CFAP251: variants seen among roughly 807,000 people sequenced by gnomAD.
CFAP251 encodes cilia- and flagella-associated protein 251.
CFAP251 carries 93 observed loss-of-function variants against 126.7 expected under a neutral mutation model. The ratio of observed to expected loss-of-function variants is 0.73; its 90% CI spans 0.62 to 0.87. CFAP251 has a LOEUF of 0.87. Among genes scored for constraint, CFAP251 ranks in the 40% least tolerant of loss-of-function variants. The pLI, the probability that CFAP251 is intolerant of heterozygous loss-of-function variation, is 0.00. For missense variants in CFAP251, 1,287 were observed against 1,389.2 expected (o/e 0.93, Z 1.17); for synonymous variants, 503 against 506.9 (o/e 0.99, Z 0.10).
Position 121,977,308 on chromosome 12 carries a change from A to G in CFAP251, c.3006+1623A>G, listed in dbSNP as rs186725540. On this transcript the variant is annotated intron_variant, in intron 19 of 21. Coordinates refer to ENST00000288912, the MANE Select transcript of CFAP251 (RefSeq NM_144668.6). Reference sequence around the variant, plus strand: ...GTATGGAACCACCATCATATATGCAATCTGTCATTGCAATATTATTAAGTG... The same window carrying G: ...GTATGGAACCACCATCATATATGCAGTCTGTCATTGCAATATTATTAAGTG... Among the ~76,000 whole-genome samples the G allele has an allele frequency of 3.4e-3, 518 of 152,350 alleles. 3 individuals are homozygous for G. The highest frequency in any genetic ancestry group is 0.012 in the African/African-American group (493 of 41,580).
At chr12:121,928,626 G>GTATATATA (rs57842636) in intron 3 of CFAP251, among the ~76,000 whole-genome samples, 3 of 43,182 alleles carry the variant, frequency 6.9e-5, no homozygotes, top group African/African-American at 2.0e-4. Flanking sequence ...ATGTATATGT[G>GTATATATA]TATATATATA....
At chr12:122,001,805 T>C (rs1318148520) in intron 21 of CFAP251, 8 of 580,646 alleles carry the variant, frequency 1.4e-5, no homozygotes, top group Non-Finnish European at 2.5e-5. Context: ...CGTCCTTTTG[T>C]TTCTTCTGGG....
chr12:121,948,027 C>T (rs1881382389), intron 7 of CFAP251: 1 of 152,224 alleles, frequency 6.6e-6, no homozygotes, highest in African/African-American at 2.4e-5. Context: ...TCTCCTGCAG[C>T]CCTTCTCCCC....
intron 8 of CFAP251, chr12:121,950,767 A>C (rs1592979600): frequency 6.6e-6 from 1 of 150,828 alleles, no homozygotes; most frequent in Non-Finnish European, 1.5e-5. Flanking sequence ...CATGTTGGCC[A>C]GGCTTGTCTC....
At position 121,975,175 on chromosome 12, in the gene CFAP251, C is replaced by T. The variant is rs545750181; in HGVS notation, c.2772-69C>T. 142 of 1,329,606 alleles carry T rather than the reference C, an allele frequency of 1.1e-4. No homozygotes were observed. In the South Asian group the frequency reaches 1.5e-3, roughly 14 times the overall value. The allele number at this position is 1,329,606 out of a possible 1,614,324, so 82.4% of individuals were successfully genotyped here. A position where few individuals can be genotyped will look rare whatever the true frequency, so the allele number is the denominator to read the frequency against. On this transcript the variant is annotated intron_variant, in intron 17 of 21. Transcript: ENST00000288912. The stretch of plus-strand genomic sequence containing the variant: ...CCCTTCAGAGGGCCGCAGTGCTGTG[C>T]GGACCACCTTCTGAGCCATGCTCAT...
intron 9 of CFAP251, among the ~76,000 whole-genome samples, chr12:121,951,742 G>T (rs551503871): frequency 7.3e-5 from 11 of 151,712 alleles, no homozygotes; most frequent in Middle Eastern, 3.4e-3. Context: ...TTTTTGAGAC[G>T]GAGTCTTGCT....
chr12:121,981,218 A>G (rs896854405), intron 19 of CFAP251, among the ~76,000 whole-genome samples: 1 of 152,178 alleles, frequency 6.6e-6, no homozygotes, highest in African/African-American at 2.4e-5. Context: ...CTGTAGTCCT[A>G]GCACTTTGGG....
chr12:121,962,081 C>A lies in CFAP251; in HGVS notation c.2411C>A (p.Pro804Gln), dbSNP rs151151759. 1.2e-4 allele frequency: 188 copies of A among 1,614,030 alleles called. 1 individual carries two copies. The East Asian group carries it at 4.2e-3, about 36-fold the overall frequency. ...CYPTCMVWYP[P>Q]LTRELFLLIC... The stretch of plus-strand genomic sequence containing the variant: ...CCCACCTGCATGGTCTGGTACCCAC[C>A]ACTCACCAGGGAACTCTTCCTGCTT... Residue 804 changes from proline (P) to glutamine (Q), a missense_variant, in exon 15 of 22, where the codon CCA becomes CAA. Physicochemically the swap from Pro to Gln is moderately conservative, Grantham distance 76. Coordinates refer to ENST00000288912, the MANE Select transcript of CFAP251 (RefSeq NM_144668.6).
intron 7 of CFAP251, 56 bp downstream of exon 7, chr12:121,943,031 A>C: frequency 6.3e-7 from 1 of 1,587,814 alleles, no homozygotes; most frequent in Non-Finnish European, 8.6e-7. Flanking sequence ...GTGCAAGGCC[A>C]GGCTGGGCGT....
At chr12:121,978,239 A>G (rs987549358) in intron 19 of CFAP251, among the ~76,000 whole-genome samples, 15 of 150,596 alleles carry the variant, frequency 1.0e-4, no homozygotes, top group Admixed American at 9.9e-4. Flanking sequence ...AAAAAAATAC[A>G]AAAAATAAGC....
chr12:121,988,748 T>TC (rs1882808892), intron 19 of CFAP251, among the ~76,000 whole-genome samples: 1 of 127,912 alleles, frequency 7.8e-6, no homozygotes, highest in African/African-American at 3.0e-5. Flanking sequence ...TTTTTTTCTC[T>TC]TTTTTTTTTT....
chr12:121,963,990 G>C (rs1882036869), intron 15 of CFAP251, among the ~76,000 whole-genome samples: 1 of 152,030 alleles, frequency 6.6e-6, no homozygotes. Flanking sequence ...GAATGTTTCA[G>C]TGATCCACCA....
intron 15 of CFAP251, 141 bp downstream of exon 15, chr12:121,962,303 G>A (rs1463437744): frequency 2.7e-6 from 2 of 743,228 alleles, no homozygotes; most frequent in African/African-American, 3.5e-5. Flanking sequence ...GGAGACTGAG[G>A]CACAGATAAC....
chr12:121,976,805 A>C (rs1236886823), intron 19 of CFAP251, among the ~76,000 whole-genome samples: 1 of 152,022 alleles, frequency 6.6e-6, no homozygotes, highest in African/African-American at 2.4e-5. Flanking sequence ...GCTGCTCAGG[A>C]GGCCATGGCA....
At chr12:121,976,007 T>C (rs867361269) in intron 19 of CFAP251, among the ~76,000 whole-genome samples, 17 of 151,686 alleles carry the variant, frequency 1.1e-4, no homozygotes, top group Non-Finnish European at 1.0e-4. Flanking sequence ...CGTAGGATTT[T>C]TTTCTTTTTT....
At chr12:121,980,549 T>C (rs1209554929) in intron 19 of CFAP251, among the ~76,000 whole-genome samples, 1 of 152,002 alleles carries the variant, frequency 6.6e-6, no homozygotes, top group Non-Finnish European at 1.5e-5. Context: ...GGTTTCTCCA[T>C]GTTGGCCAGA....
intron 13 of CFAP251, chr12:121,959,846 G>A (rs1412484363): frequency 6.6e-6 from 1 of 152,100 alleles, no homozygotes; most frequent in Admixed American, 6.5e-5. Flanking sequence ...ATGGGCATTA[G>A]GCCAGGTGTA....
intron 19 of CFAP251, among the ~76,000 whole-genome samples, chr12:121,980,792 C>G (rs1432793611): frequency 6.6e-6 from 1 of 152,240 alleles, no homozygotes; most frequent in Non-Finnish European, 1.5e-5. Context: ...CCCACCTCCT[C>G]TGGGTGATTG....
chr12:121,952,240 T>TAAAAAAAA (rs558861973), intron 9 of CFAP251, among the ~76,000 whole-genome samples: 15 of 92,082 alleles, frequency 1.6e-4, no homozygotes, highest in African/African-American at 7.4e-4. Flanking sequence ...TCGTTTCTAC[T>TAAAAAAAA]AAAAAAAAAA....
Sources: allele counts gnomAD v4.1 joint callset (sites outside exome capture counted in the v4.1 genomes callset), GRCh38; gene constraint gnomAD v4.1.1; transcripts MANE v1.5; gene names NCBI Gene and HGNC (gene_info 2026-07-23, HGNC 2026-07-21).